Variants in SYNC observed in about 807,000 individuals in gnomAD.
SYNC encodes the protein syncoilin.
A neutral mutation model predicts 49.5 loss-of-function variants in SYNC; 38 were observed. The ratio of observed to expected loss-of-function variants is 0.77; its 90% CI spans 0.59 to 1.01. The LOEUF is 1.01. SYNC is among the 50% of genes least tolerant of loss of function. The pLI, the probability that SYNC is intolerant of heterozygous loss-of-function variation, is 0.00. For missense variants in SYNC, 579 were observed against 580.6 expected (o/e 1.00, Z 0.03); for synonymous variants, 201 against 230.8 (o/e 0.87, Z 1.17).
rs781687331 is a variant in SYNC at position 32,684,387 on chromosome 1, A to G, written c.1234-5T>C. On this transcript the variant is annotated splice_polypyrimidine_tract_variant and splice_region_variant and intron_variant, in intron 2 of 4. Coordinates refer to ENST00000409190, the MANE Select transcript of SYNC (RefSeq NM_030786.3). ...TTCCATTTCCTCCAGCTGTTCCTGC[A>G]TGAGATGGCCAAGAACATTTCTAAT... 3.7e-6 allele frequency: 6 copies of G among 1,614,186 alleles called. No individual in the cohort carries two copies. Among genetic ancestry groups the G allele is most frequent in the East Asian group, 2.2e-5 (1 of 44,886 alleles).
At chr1:32,683,485 A>C (rs1326375490) in intron 4 of SYNC, 2 of 152,536 alleles carry the variant, frequency 1.3e-5, no homozygotes, top group Non-Finnish European at 1.5e-5. Flanking sequence ...TAGATGCCAC[A>C]GAATTCATGG....
rs1169106979 is a variant in SYNC, at chr1:32,681,492, C to T, written c.*358G>A. 3.8e-6 allele frequency: 1 copy of T among 265,250 alleles called. No homozygotes were observed. The allele number at this position is 265,250 out of a possible 1,614,324, so 16.4% of individuals were successfully genotyped here. A position where few individuals can be genotyped will look rare whatever the true frequency, so the allele number is the denominator to read the frequency against. ...GTTTTTGGTTTGGGTCAACACAAGG[C>T]AAGATACATTCTTTAAAATACTCCC... On this transcript the variant is annotated 3_prime_UTR_variant, in exon 5 of 5. Transcript: ENST00000409190.
chr1:32,681,682 G>C lies in SYNC; in HGVS notation c.*168C>G. 2 of 1,016,486 alleles carry C rather than the reference G, an allele frequency of 2.0e-6. No individual in the cohort carries two copies. Among genetic ancestry groups the C allele is most frequent in the Admixed American group, 2.2e-5 (1 of 44,922 alleles). 63.0% of individuals were successfully genotyped at this position (1,016,486 alleles called of 1,614,324 possible). A position where few individuals can be genotyped will look rare whatever the true frequency, so the allele number is the denominator to read the frequency against. On this transcript the variant is annotated 3_prime_UTR_variant, in exon 5 of 5. Coordinates refer to ENST00000409190, the MANE Select transcript of SYNC (RefSeq NM_030786.3). Reference sequence around the variant, plus strand: ...CATGTTCTGCCTCCGGCCAACTCTAGAATCTTTTTAAGCAGGTCAGCCAGT... The same window carrying C: ...CATGTTCTGCCTCCGGCCAACTCTACAATCTTTTTAAGCAGGTCAGCCAGT...
intron 2 of SYNC, among the ~76,000 whole-genome samples, chr1:32,689,502 C>T (rs149878076): frequency 2.0e-5 from 3 of 151,658 alleles, no homozygotes; most frequent in African/African-American, 7.3e-5. Context: ...GCCACACATA[C>T]TATTTCTAAT....
At chr1:32,687,157 C>T (rs1337037365) in intron 2 of SYNC, among the ~76,000 whole-genome samples, 11 of 151,686 alleles carry the variant, frequency 7.3e-5, no homozygotes, top group Admixed American at 1.3e-4. Flanking sequence ...GTCAGGAGTT[C>T]GAGACCAGCC....
chr1:32,691,287 C>A (rs1232272814), intron 2 of SYNC, among the ~76,000 whole-genome samples: 1 of 150,562 alleles, frequency 6.6e-6, no homozygotes, highest in Non-Finnish European at 1.5e-5. Flanking sequence ...CCCAGCTACT[C>A]GGGAGGCTGA....
rs1649372870 is a variant in SYNC, at chr1:32,680,571, G to A, written c.*1279C>T. ...GTTTGATGCCATCTCCATTTTGGGTGACCTGTTTCACCAGCAGGCCTGTTA... is the reference window on the plus strand; with the variant it reads ...GTTTGATGCCATCTCCATTTTGGGTAACCTGTTTCACCAGCAGGCCTGTTA... On this transcript the variant is annotated 3_prime_UTR_variant, in exon 5 of 5. Coordinates refer to ENST00000409190, the MANE Select transcript of SYNC (RefSeq NM_030786.3). 6.6e-7 allele frequency: 1 copy of A among 1,520,350 alleles called. No homozygotes were observed. Among genetic ancestry groups the A allele is most frequent in the Admixed American group, 2.0e-5 (1 of 50,258 alleles). The allele number at this position is 1,520,350 out of a possible 1,614,324, so 94.2% of individuals were successfully genotyped here.
At chr1:32,703,303 C>T (rs930587167), upstream of SYNC, among the ~76,000 whole-genome samples, 1 of 152,122 alleles carries the variant, frequency 6.6e-6, no homozygotes, top group African/African-American at 2.4e-5. Flanking sequence ...GGCTGGGTGG[C>T]TGGGGTTAGA....
upstream of SYNC, chr1:32,702,776 G>T: frequency 1.1e-6 from 1 of 913,620 alleles, no homozygotes; most frequent in Non-Finnish European, 1.3e-6. The surrounding 1 kb of genome is among the most constrained non-coding windows in gnomAD (Gnocchi z 6.2). Flanking sequence ...ATCCCGGCCG[G>T]CCCCGGGCCG....
chr1:32,693,969 G>A (rs967280254), intron 2 of SYNC, among the ~76,000 whole-genome samples: 2 of 152,196 alleles, frequency 1.3e-5, no homozygotes, highest in Non-Finnish European at 2.9e-5. Context: ...GGCTGCGGTG[G>A]CTCACACCTA....
chr1:32,695,775 C>G lies in SYNC; in HGVS notation c.323G>C (p.Cys108Ser), dbSNP rs1228355176. 6.4e-7 allele frequency: 1 copy of G among 1,551,744 alleles called. No homozygotes were observed. Among genetic ancestry groups the G allele is most frequent in the Admixed American group, 2.0e-5 (1 of 50,990 alleles). ...EEPGNPEETV[C>S]VEETTEPDRI... ...ATCTGGCTCCGTGGTTTCCTCCACA[C>G]ACACTGTCTCCTCTGGATTCCCAGG... is the stretch of plus-strand genomic sequence containing the variant. Residue 108 changes from cysteine (C) to serine (S), a missense_variant, in exon 2 of 5, where the codon TGT becomes TCT. Cys to Ser is a moderately radical substitution (Grantham distance 112). Coordinates refer to ENST00000409190, the MANE Select transcript of SYNC (RefSeq NM_030786.3).
At chr1:32,684,471 A>G (rs1391447998) in intron 2 of SYNC, 89 bp from the exon 3 acceptor site, 11 of 1,580,448 alleles carry the variant, frequency 7.0e-6, no homozygotes, top group Non-Finnish European at 9.5e-6. Flanking sequence ...TTTTTTGTTC[A>G]TTGTTTAATC....
At position 32,695,072 on chromosome 1, in the gene SYNC, C is replaced by T. The variant is rs375178039; in HGVS notation, c.1026G>A (p.Glu342=). The stretch of plus-strand genomic sequence containing the variant: ...GGAGCCGCAGGAACTGAGGCTCATA[C>T]TCCTCCTCCAGGTCCTGGCGGCTCT... ...MAESRQDLEE[E]YEPQFLRLLE... Residue 342 remains glutamate (E), a synonymous_variant, in exon 2 of 5, where the codon GAG becomes GAA. Coordinates refer to ENST00000409190, the MANE Select transcript of SYNC (RefSeq NM_030786.3). 29 of 1,613,446 alleles carry T rather than the reference C, an allele frequency of 1.8e-5. No homozygotes were observed. The African/African-American group carries it at 2.9e-4, about 16-fold the overall frequency.
intron 1 of SYNC, among the ~76,000 whole-genome samples, chr1:32,699,414 C>G (rs1650581844): frequency 6.6e-6 from 1 of 151,944 alleles, no homozygotes; most frequent in Admixed American, 6.6e-5. Context: ...CATGGCCTCC[C>G]AAAGTGCTGG....
intron 1 of SYNC, among the ~76,000 whole-genome samples, chr1:32,697,045 A>T (rs1287569990): frequency 2.0e-5 from 3 of 151,978 alleles, no homozygotes; most frequent in Non-Finnish European, 2.9e-5. Context: ...CACCATGCCC[A>T]GCAATTCCTG....
At chr1:32,687,892 C>G (rs983580320) in intron 2 of SYNC, among the ~76,000 whole-genome samples, 3 of 68,928 alleles carry the variant, frequency 4.4e-5, no homozygotes, top group Non-Finnish European at 1.0e-4. Context: ...CTCTGTCGCT[C>G]AGGCTGGAGT....
chr1:32,701,176 A>C (rs1332210195), intron 1 of SYNC, among the ~76,000 whole-genome samples: 1 of 152,088 alleles, frequency 6.6e-6, no homozygotes. Context: ...CGGCGTCCCA[A>C]AGTGCTGGGA....
chr1:32,684,341 TCTTAA>T lies in SYNC; in HGVS notation c.1270_1274del (p.Leu424LysfsTer22), dbSNP rs1396583316. 1 of 1,614,202 alleles carries T rather than the reference TCTTAA, an allele frequency of 6.2e-7. No individual in the cohort carries two copies. The highest frequency in any genetic ancestry group is 8.5e-7 in the Non-Finnish European group (1 of 1,180,036). ...TCTGTTGCTGGAGTTGCACCCCATT[TCTTAA>T]CTGCCTCTGGCGTTCTTCCATTTCC... is the stretch of plus-strand genomic sequence containing the variant. On this transcript the variant is annotated frameshift_variant, in exon 3 of 5. Transcript: ENST00000409190. LOFTEE classifies it high-confidence loss of function.
chr1:32,698,345 C>T (rs562461996), intron 1 of SYNC, among the ~76,000 whole-genome samples: 1 of 152,058 alleles, frequency 6.6e-6, no homozygotes, highest in Non-Finnish European at 1.5e-5. Context: ...AGTGAAACCC[C>T]GTCTCTACTA....
Sources: gnomAD v4.1 joint callset for allele counts (sites outside exome capture counted in the v4.1 genomes callset) on GRCh38, gnomAD v4.1.1 for gene constraint, Gnocchi (gnomAD v3.1) non-coding constraint, MANE v1.5 for transcripts, NCBI Gene and HGNC (gene_info 2026-07-23, HGNC 2026-07-21) for gene names.